LIPK: variants seen among roughly 807,000 people sequenced by gnomAD.
The protein encoded by LIPK is lipase member K.
A neutral mutation model predicts 48.6 loss-of-function variants in LIPK; 32 were observed. The observed-to-expected ratio is 0.66, with a 90% CI of 0.50 to 0.88. The LOEUF (loss-of-function observed/expected upper bound fraction) is 0.88. LIPK is among the 40% of genes least tolerant of loss of function. The pLI is 0.00. For synonymous variants in LIPK, 164 were observed against 157.4 expected (o/e 1.04, Z -0.32); for missense variants, 507 against 478.5 (o/e 1.06, Z -0.56).
intron 3 of LIPK, chr10:88,727,915 G>C: frequency 2.7e-6 from 1 of 367,720 alleles, no homozygotes; most frequent in Non-Finnish European, 5.3e-6. Flanking sequence ...AGCAGCAGAA[G>C]ACAGCTGGGA....
intron 3 of LIPK, among the ~76,000 whole-genome samples, chr10:88,730,394 A>G (rs1842439895): frequency 6.6e-6 from 1 of 151,906 alleles, no homozygotes; most frequent in African/African-American, 2.4e-5. Context: ...GGTTCACGCC[A>G]TTTTCCTGCC....
chr10:88,734,816 A>G (rs1038504252), intron 6 of LIPK, among the ~76,000 whole-genome samples: 4 of 152,212 alleles, frequency 2.6e-5, no homozygotes, highest in Admixed American at 6.5e-5. Flanking sequence ...AGATATGACA[A>G]TGAAATGATA....
intron 3 of LIPK, among the ~76,000 whole-genome samples, 190 bp downstream of exon 3, chr10:88,727,102 G>T (rs1842359411): frequency 6.6e-6 from 1 of 152,126 alleles, no homozygotes; most frequent in African/African-American, 2.4e-5. Flanking sequence ...TACATACACT[G>T]TTTATCTGGT....
intron 1 of LIPK, among the ~76,000 whole-genome samples, chr10:88,719,928 G>A (rs779494837): frequency 6.6e-6 from 1 of 152,150 alleles, no homozygotes; most frequent in Non-Finnish European, 1.5e-5. Flanking sequence ...TTACTTATGA[G>A]AGCTGCCTAC....
chr10:88,715,272 T>C (rs1035118622), intron 1 of LIPK, among the ~76,000 whole-genome samples: 1 of 152,136 alleles, frequency 6.6e-6, no homozygotes, highest in African/African-American at 2.4e-5. Context: ...ATTACCTGTA[T>C]CTCTATCAGT....
intron 4 of LIPK, 57 bp downstream of exon 4, chr10:88,731,238 ACAC>A (rs1396399172): frequency 1.5e-5 from 20 of 1,313,868 alleles, no homozygotes; most frequent in Non-Finnish European, 2.0e-5. Flanking sequence ...ATATGTATGA[ACAC>A]CTAGTGATTT....
At chr10:88,735,690 C>T (rs958999012) in intron 6 of LIPK, among the ~76,000 whole-genome samples, 10 of 152,248 alleles carry the variant, frequency 6.6e-5, no homozygotes, top group African/African-American at 2.4e-4. Flanking sequence ...CTAATTCTCA[C>T]ACATACCAAA....
chr10:88,726,686 C>A, intron 2 of LIPK, 109 bp from the exon 3 acceptor site: 1 of 664,906 alleles, frequency 1.5e-6, no homozygotes. Context: ...ACAGTGAGAC[C>A]CGTCTCAAAC....
chr10:88,747,135 C>A (rs1294101749), intron 9 of LIPK, among the ~76,000 whole-genome samples: 3 of 152,068 alleles, frequency 2.0e-5, no homozygotes, highest in Non-Finnish European at 4.4e-5. Context: ...CACTACCAAC[C>A]AGAAAAAGCC....
chr10:88,749,117 C>T (rs1365397962), intron 9 of LIPK, among the ~76,000 whole-genome samples: 1 of 152,012 alleles, frequency 6.6e-6, no homozygotes, highest in East Asian at 1.9e-4. Context: ...TCAAAGAAAT[C>T]AGAGATGATA....
intron 1 of LIPK, among the ~76,000 whole-genome samples, chr10:88,721,811 G>T (rs571872608): frequency 6.6e-6 from 1 of 152,320 alleles, no homozygotes; most frequent in African/African-American, 2.4e-5. Flanking sequence ...CATGTTAACT[G>T]TCAAAGCCTT....
chr10:88,733,583 T>C (rs1842511173), intron 6 of LIPK, among the ~76,000 whole-genome samples: 1 of 152,226 alleles, frequency 6.6e-6, no homozygotes, highest in Admixed American at 6.5e-5. Flanking sequence ...TGCCTGTTGG[T>C]ACTTGGGCCT....
chr10:88,724,560 C>A lies in LIPK; in HGVS notation c.17C>A (p.Ala6Glu). 1 of 1,606,262 alleles carries A rather than the reference C, an allele frequency of 6.2e-7. No individual in the cohort carries two copies. The highest frequency in any genetic ancestry group is 8.5e-7 in the Non-Finnish European group (1 of 1,177,008). The change falls in exon 2 of 10, where the codon GCA becomes GAA. Residue 6 changes from alanine to glutamate, a missense_variant. Coordinates refer to ENST00000404190, the MANE Select transcript of LIPK (RefSeq NM_001080518.2). MWQLL[A>E]AACWMLLLGS... ...AGATCCCAAATGTGGCAGCTTTTAG[C>A]AGCAGCATGCTGGATGCTTCTTCTT... is the stretch of plus-strand genomic sequence containing the variant.
intron 1 of LIPK, among the ~76,000 whole-genome samples, chr10:88,720,093 G>C (rs1842194301): frequency 6.6e-6 from 1 of 152,196 alleles, no homozygotes; most frequent in Non-Finnish European, 1.5e-5. Flanking sequence ...AACTATTGGA[G>C]AAAGGGAGAT....
At chr10:88,750,282 A>G (rs1564573086) in intron 9 of LIPK, among the ~76,000 whole-genome samples, 1 of 152,202 alleles carries the variant, frequency 6.6e-6, no homozygotes, top group Non-Finnish European at 1.5e-5. Flanking sequence ...CTATGATTTG[A>G]CTTAGGAATC....
intron 1 of LIPK, among the ~76,000 whole-genome samples, chr10:88,722,435 G>C (rs1303599815): frequency 6.6e-6 from 1 of 152,188 alleles, no homozygotes; most frequent in African/African-American, 2.4e-5. Flanking sequence ...AATCCAACCA[G>C]TCTGGCTGTT....
At chr10:88,744,934 C>A (rs1842741317) in intron 9 of LIPK, among the ~76,000 whole-genome samples, 1 of 152,018 alleles carries the variant, frequency 6.6e-6, no homozygotes, top group South Asian at 2.1e-4. Context: ...AAGAAATAAC[C>A]AAATTGATCT....
chr10:88,745,449 C>T (rs1681145834), intron 9 of LIPK, among the ~76,000 whole-genome samples: 1 of 152,146 alleles, frequency 6.6e-6, no homozygotes, highest in African/African-American at 2.4e-5. Flanking sequence ...AGAAACCCTA[C>T]AAGCCAGAAG....
At chr10:88,745,468 G>A (rs751268507) in intron 9 of LIPK, among the ~76,000 whole-genome samples, 10 of 152,214 alleles carry the variant, frequency 6.6e-5, no homozygotes, top group Non-Finnish European at 1.0e-4. Context: ...AGAGATTACG[G>A]GCTTGTATTC....
Sources: gnomAD v4.1 joint callset for allele counts (sites outside exome capture counted in the v4.1 genomes callset) on GRCh38, gnomAD v4.1.1 for gene constraint, MANE v1.5 for transcripts, NCBI Gene and HGNC (gene_info 2026-07-23, HGNC 2026-07-21) for gene names.